Variants in GPHN observed in about 807,000 individuals in gnomAD.
The protein encoded by GPHN is gephyrin.
A neutral mutation model predicts 95.5 loss-of-function variants in GPHN; 17 were observed. The ratio of observed to expected loss-of-function variants is 0.18; its 90% CI spans 0.12 to 0.27. GPHN has a LOEUF of 0.27. GPHN is among the 10% of genes least tolerant of loss of function. The pLI is 1.00. For missense variants in GPHN, 660 were observed against 978.1 expected (o/e 0.67, Z 4.34); for synonymous variants, 320 against 322.5 (o/e 0.99, Z 0.08).
rs556425260 is a variant in GPHN, at chr14:66,549,517, T to C, written c.64+40926T>C. Among the ~76,000 whole-genome samples the C allele has an allele frequency of 2.6e-5, 4 of 152,184 alleles. No individual in the cohort carries two copies. The East Asian group carries it at 7.7e-4, about 29-fold the overall frequency. On this transcript the variant is annotated intron_variant, in intron 1 of 22. Coordinates refer to ENST00000478722, the MANE Select transcript of GPHN (RefSeq NM_020806.5). ...GCTGGCTAGAGGTTGATTCGTGAGGTATAAGAAAAGAAGCCATTTCCATTA... is the reference window on the plus strand; with the variant it reads ...GCTGGCTAGAGGTTGATTCGTGAGGCATAAGAAAAGAAGCCATTTCCATTA...
At chr14:67,050,480 G>A (rs1348740299) in intron 10 of GPHN, among the ~76,000 whole-genome samples, 1 of 152,094 alleles carries the variant, frequency 6.6e-6, no homozygotes, top group Admixed American at 6.5e-5. Context: ...ATAAGACATA[G>A]GCTCTGTCTT....
intron 18 of GPHN, among the ~76,000 whole-genome samples, chr14:67,156,298 A>G (rs2081583962): frequency 6.6e-6 from 1 of 152,116 alleles, no homozygotes; most frequent in South Asian, 2.1e-4. Flanking sequence ...AATAAAATAC[A>G]TATACTTAAA....
At chr14:66,726,362 CAAATT>C (rs772570054) in intron 2 of GPHN, among the ~76,000 whole-genome samples, 29 of 152,004 alleles carry the variant, frequency 1.9e-4, no homozygotes, top group Non-Finnish European at 3.8e-4. Context: ...AAATTTAAAA[CAAATT>C]AAAATTAAAA....
At chr14:66,803,045 G>A (rs2060416578) in intron 3 of GPHN, among the ~76,000 whole-genome samples, 1 of 152,110 alleles carries the variant, frequency 6.6e-6, no homozygotes, top group Non-Finnish European at 1.5e-5. Flanking sequence ...AGTCCTTGTG[G>A]CCTCAACTGC....
At chr14:66,967,617 C>T (rs1008472468) in intron 9 of GPHN, among the ~76,000 whole-genome samples, 1 of 151,902 alleles carries the variant, frequency 6.6e-6, no homozygotes, top group Non-Finnish European at 1.5e-5. Flanking sequence ...CTCCAGTGAA[C>T]ATTTCCTTTG....
intron 4 of GPHN, among the ~76,000 whole-genome samples, chr14:66,832,593 T>C (rs954508936): frequency 1.3e-5 from 2 of 152,220 alleles, no homozygotes; most frequent in Non-Finnish European, 2.9e-5. Flanking sequence ...GCAGAATTTT[T>C]TTTTTTGTAT....
At chr14:67,515,953 C>G in the GPHN span, among the ~76,000 whole-genome samples, 1 of 152,220 alleles carries the variant, frequency 6.6e-6, no homozygotes, top group Non-Finnish European at 1.5e-5. Flanking sequence ...GCTTGAACTT[C>G]TAAGGCTCAC....
the GPHN span, among the ~76,000 whole-genome samples, chr14:67,410,656 G>C: frequency 1.3e-5 from 2 of 152,186 alleles, no homozygotes; most frequent in African/African-American, 4.8e-5. Context: ...ACATTTTGTG[G>C]GGAAAATGAA....
At chr14:66,699,428 T>A (rs891386215) in intron 2 of GPHN, among the ~76,000 whole-genome samples, 3 of 152,006 alleles carry the variant, frequency 2.0e-5, no homozygotes, top group Non-Finnish European at 4.4e-5. Context: ...ATATTAAATA[T>A]GGTGATAGAA....
chr14:67,690,750 G>A, the GPHN span: 1 of 392,274 alleles, frequency 2.5e-6, no homozygotes, highest in Non-Finnish European at 4.7e-6. Flanking sequence ...TAAAGAGGCT[G>A]AGGCAGGAAG....
At chr14:66,589,468 G>T (rs994457119) in intron 1 of GPHN, among the ~76,000 whole-genome samples, 1 of 151,070 alleles carries the variant, frequency 6.6e-6, no homozygotes, top group Admixed American at 6.6e-5. Flanking sequence ...AGGACCCATT[G>T]ATGTGCTGTA....
At chr14:66,951,537 G>C (rs947119421) in intron 8 of GPHN, among the ~76,000 whole-genome samples, 3 of 150,906 alleles carry the variant, frequency 2.0e-5, no homozygotes, top group Non-Finnish European at 3.0e-5. Flanking sequence ...AAAAAGGAAG[G>C]GATAAAGAAA....
At chr14:67,381,418 C>T in the GPHN span, among the ~76,000 whole-genome samples, 1 of 152,150 alleles carries the variant, frequency 6.6e-6, no homozygotes, top group Admixed American at 6.5e-5. Context: ...TGTTATATTC[C>T]ATCTTTACCA....
chr14:67,397,356 G>C, the GPHN span, among the ~76,000 whole-genome samples: 1 of 152,132 alleles, frequency 6.6e-6, no homozygotes, highest in African/African-American at 2.4e-5. Context: ...CATTTGTGTG[G>C]TGCCTGCCTC....
At chr14:67,510,737 G>C in the GPHN span, among the ~76,000 whole-genome samples, 1 of 152,168 alleles carries the variant, frequency 6.6e-6, no homozygotes, top group African/African-American at 2.4e-5. Flanking sequence ...AAGGGGAAGA[G>C]AGATACTAAG....
At chr14:66,559,900 T>A (rs1021581363) in intron 1 of GPHN, among the ~76,000 whole-genome samples, 1 of 152,198 alleles carries the variant, frequency 6.6e-6, no homozygotes, top group Non-Finnish European at 1.5e-5. Context: ...TTAATCCATC[T>A]TGAATTAATT....
chr14:67,317,450 A>C, the GPHN span: 15 of 1,611,368 alleles, frequency 9.3e-6, no homozygotes, highest in Non-Finnish European at 1.3e-5. Flanking sequence ...AAGAGGAAAA[A>C]GGTTTTATAT....
chr14:67,669,153 C>CTTTT, the GPHN span, among the ~76,000 whole-genome samples: 12 of 152,128 alleles, frequency 7.9e-5, no homozygotes, highest in African/African-American at 2.9e-4. Flanking sequence ...GTTAAAGTAA[C>CTTTT]CTGTCCAAGG....
chr14:67,180,743 A>C, intron 22 of GPHN, 61 bp from the exon 23 acceptor site: 8 of 1,535,654 alleles, frequency 5.2e-6, no homozygotes, highest in Non-Finnish European at 7.2e-6. Flanking sequence ...AAAGGTCTAC[A>C]AGGGCCCAAC....
Sources: gnomAD v4.1 joint callset for allele counts (sites outside exome capture counted in the v4.1 genomes callset) on GRCh38, gnomAD v4.1.1 for gene constraint, MANE v1.5 for transcripts, NCBI Gene and HGNC (gene_info 2026-07-23, HGNC 2026-07-21) for gene names.